Variants in WBP11 observed in about 807,000 individuals in gnomAD.
WBP11 encodes the protein WW domain-binding protein 11.
Under a neutral mutation model 66.7 loss-of-function variants are expected in WBP11, and 12 were observed. That is an observed-to-expected ratio of 0.18 (90% confidence interval 0.12 to 0.29). The LOEUF is 0.29. WBP11 is among the 10% of genes least tolerant of loss of function. The probability of loss-of-function intolerance (pLI) is 1.00; values close to 1 mark genes in which losing one functional copy is unlikely to be tolerated. For synonymous variants in WBP11, 255 were observed against 273.8 expected, an observed-to-expected ratio of 0.93 and a Z score of 0.68; for missense variants, 555 against 818.3, an observed-to-expected ratio of 0.68 and a Z score of 3.93.
chr12:14,790,593 T>C lies in WBP11; in HGVS notation c.1172A>G (p.Gln391Arg). 6.2e-7 allele frequency: 1 copy of C among 1,614,046 alleles called. No individual in the cohort carries two copies. Among genetic ancestry groups the C allele is most frequent in the Non-Finnish European group, 8.5e-7 (1 of 1,179,890 alleles). ...DGTSTASSQQQAPPQSVPPSQ... is the reference protein window; with the variant it reads ...DGTSTASSQQRAPPQSVPPSQ... ...AGGAGGAACAGACTGCGGCGGAGCC[T>C]GCTGCTGTGAAGAAGCAGTGGATGT... is the stretch of plus-strand genomic sequence containing the variant. The change falls in exon 10 of 12, where the codon CAG (glutamine) becomes CGG (arginine). Residue 391 changes from glutamine to arginine, a missense_variant. Coordinates refer to ENST00000261167, the MANE Select transcript of WBP11 (RefSeq NM_016312.3).
intron 8 of WBP11, among the ~76,000 whole-genome samples, chr12:14,791,481 G>A (rs1444632790): frequency 2.6e-5 from 4 of 152,084 alleles, no homozygotes; most frequent in Non-Finnish European, 5.9e-5. Context: ...GAAGTGATAA[G>A]CCCAGAATAT....
chr12:14,790,349 A>C, intron 10 of WBP11, 107 bp downstream of exon 10: 1 of 1,384,196 alleles, frequency 7.2e-7, no homozygotes, highest in South Asian at 1.4e-5. Flanking sequence ...AAGAGAATCC[A>C]ATTAGGAGGA....
At chr12:14,799,414 T>C (rs1949932730) in intron 4 of WBP11, 1 of 365,904 alleles carries the variant, frequency 2.7e-6, no homozygotes, top group African/African-American at 2.1e-5. Flanking sequence ...AACAATTAAC[T>C]GAAAGCCAAA....
intron 4 of WBP11, 162 bp downstream of exon 4, chr12:14,799,473 G>T: frequency 1.7e-6 from 1 of 580,114 alleles, no homozygotes; most frequent in African/African-American, 1.9e-5. Context: ...GTTTGCAACA[G>T]CCCTCTAGCA....
At position 14,796,954 on chromosome 12, in the gene WBP11, G is replaced by A; in HGVS notation, c.240C>T (p.Asp80=). ...QPQLNEKVLK[D]KRKKLRETFE... is the part of the protein sequence containing the mutation. Reference sequence around the variant, plus strand: ...AGGTTTCACGCAGCTTTTTACGCTTGTCTTTCAGTACTTTCTCATTTAATT... The same window carrying A: ...AGGTTTCACGCAGCTTTTTACGCTTATCTTTCAGTACTTTCTCATTTAATT... Residue 80 remains aspartate (D), a synonymous_variant, in exon 5 of 12, where the codon GAC becomes GAT. Transcript: ENST00000261167. This position sits in a 1 kb window ranked among gnomAD's most constrained non-coding sequence, Gnocchi z 4.5. 1 of 1,609,200 alleles carries A rather than the reference G, an allele frequency of 6.2e-7. No individual in the cohort carries two copies. Among genetic ancestry groups the A allele is most frequent in the Admixed American group, 1.7e-5 (1 of 58,636 alleles).
At chr12:14,790,804 G>T in intron 9 of WBP11, 55 bp from the exon 10 acceptor site, 1 of 1,531,104 alleles carries the variant, frequency 6.5e-7, no homozygotes, top group Admixed American at 1.8e-5. Context: ...TTACAGTTTG[G>T]AGAACAGCAA....
chr12:14,790,366 A>G, intron 10 of WBP11, 90 bp downstream of exon 10: 1 of 1,473,500 alleles, frequency 6.8e-7, no homozygotes. Context: ...AGGAAACAAG[A>G]AAACATGAAC....
At chr12:14,797,891 A>C (rs918342393) in intron 4 of WBP11, among the ~76,000 whole-genome samples, 3 of 152,216 alleles carry the variant, frequency 2.0e-5, no homozygotes, top group African/African-American at 7.2e-5. Flanking sequence ...GCTAACAGAC[A>C]TCAGACTAGA....
At chr12:14,799,176 A>AT (rs145419032) in intron 4 of WBP11, among the ~76,000 whole-genome samples, 3 of 152,098 alleles carry the variant, frequency 2.0e-5, no homozygotes, top group Admixed American at 6.6e-5. Context: ...GTATTTGATG[A>AT]TTTTTTTCTA....
chr12:14,793,913 C>T lies in WBP11; in HGVS notation c.731G>A (p.Gly244Asp). 1.2e-6 allele frequency: 2 copies of T among 1,608,008 alleles called. No homozygotes were observed. The highest frequency in any genetic ancestry group is 8.5e-7 in the Non-Finnish European group (1 of 1,176,470). ...MLYSPELAQR[G>D]HDDDVSSTSE... ...GGTGCTAGAAACATCATCATCATGA[C>T]CTCGCTGGGCTGAAAAGTGGGAAGG... is the stretch of plus-strand genomic sequence containing the variant. The change falls in exon 8 of 12, where the codon GGT becomes GAT. Residue 244 changes from glycine (G) to aspartate (D), a missense_variant. Physicochemically the swap from Gly to Asp is moderately conservative, Grantham distance 94. Around this residue, in one of 6 missense-constraint regions of WBP11, gnomAD observed 220 missense variants for 268.2 expected, o/e 0.82. Transcript: ENST00000261167.
At chr12:14,791,831 T>A (rs1949825162) in intron 8 of WBP11, among the ~76,000 whole-genome samples, 1 of 152,208 alleles carries the variant, frequency 6.6e-6, no homozygotes, top group African/African-American at 2.4e-5. Context: ...AATAATGGCC[T>A]TTACAGCAAC....
chr12:14,803,050 G>GCAAC (rs1330927272), intron 1 of WBP11, among the ~76,000 whole-genome samples: 2 of 152,202 alleles, frequency 1.3e-5, no homozygotes, highest in Non-Finnish European at 2.9e-5. Flanking sequence ...GGCAACACCA[G>GCAAC]CAACTGACGA....
intron 3 of WBP11, among the ~76,000 whole-genome samples, chr12:14,800,283 A>T (rs1193512052): frequency 6.6e-6 from 1 of 151,996 alleles, no homozygotes; most frequent in Non-Finnish European, 1.5e-5. Flanking sequence ...CACAAATTCA[A>T]CAGCTAAGAG....
At chr12:14,791,828 G>A (rs1450921086) in intron 8 of WBP11, among the ~76,000 whole-genome samples, 2 of 152,148 alleles carry the variant, frequency 1.3e-5, no homozygotes, top group African/African-American at 4.8e-5. Context: ...CAAAATAATG[G>A]CCTTTACAGC....
At chr12:14,797,292 TTC>T (rs1398458869) in intron 4 of WBP11, among the ~76,000 whole-genome samples, 2 of 152,192 alleles carry the variant, frequency 1.3e-5, no homozygotes, top group Admixed American at 1.3e-4. Context: ...CTCGTGAAGA[TTC>T]TGTCAGATTT....
In WBP11 at chr12:14,793,902, C is replaced by T. The variant is rs751408309; in HGVS notation, c.742G>A (p.Asp248Asn). 31 of 1,612,146 alleles carry T rather than the reference C, an allele frequency of 1.9e-5. No individual in the cohort carries two copies. Among genetic ancestry groups the T allele is most frequent in the South Asian group, 2.2e-5 (2 of 90,728 alleles). ...TCATCTTCACTGGTGCTAGAAACAT[C>T]ATCATCATGACCTCGCTGGGCTGAA... ...PELAQRGHDD[D>N]VSSTSEDDGY... The change falls in exon 8 of 12, where the codon GAT becomes AAT. Residue 248 changes from aspartate to asparagine, a missense_variant. Coordinates refer to ENST00000261167, the MANE Select transcript of WBP11 (RefSeq NM_016312.3).
chr12:14,794,244 A>C (rs1235237867), intron 7 of WBP11, among the ~76,000 whole-genome samples: 1 of 152,212 alleles, frequency 6.6e-6, no homozygotes, highest in Non-Finnish European at 1.5e-5. Flanking sequence ...ATGACGCTCT[A>C]GTCTGATGAC....
intron 8 of WBP11, among the ~76,000 whole-genome samples, chr12:14,793,111 T>C (rs180909041): frequency 6.6e-6 from 1 of 152,330 alleles, no homozygotes; most frequent in East Asian, 1.9e-4. Context: ...GTATTATATA[T>C]TCTGTTGTAG....
In WBP11 at chr12:14,796,987, T is replaced by C. The variant is rs757227115; in HGVS notation, c.207A>G (p.Gln69=). 1.5e-5 allele frequency: 24 copies of C among 1,597,788 alleles called. No individual in the cohort carries two copies. In the South Asian group the frequency reaches 2.7e-4, roughly 18 times the overall value. Residue 69 remains glutamine (Q), a synonymous_variant, in exon 5 of 12, where the codon CAA becomes CAG. Transcript: ENST00000261167. The surrounding 1 kb of genome is among the most constrained non-coding windows in gnomAD (Gnocchi z 4.5). The stretch of plus-strand genomic sequence containing the variant: ...GTACTTTCTCATTTAATTGTGGCTG[T>C]TGCACTGGGTTAAACTCTAAGAGAA... The part of the protein sequence containing the change: ...KLDEMEFNPV[Q]QPQLNEKVLK...
Sources: allele counts gnomAD v4.1 joint callset (sites outside exome capture counted in the v4.1 genomes callset), GRCh38; gene constraint gnomAD v4.1.1; regional missense constraint gnomAD v4.1.1; non-coding constraint Gnocchi (gnomAD v3.1); transcripts MANE v1.5; gene names NCBI Gene and HGNC (gene_info 2026-07-23, HGNC 2026-07-21).